DGKH: variants seen among roughly 807,000 people sequenced by gnomAD.
DGKH encodes diacylglycerol kinase eta.
A neutral mutation model predicts 159.3 loss-of-function variants in DGKH; 90 were observed. The observed-to-expected ratio is 0.57, with a 90% CI of 0.48 to 0.67. DGKH has a LOEUF of 0.67. Among genes scored for constraint, DGKH ranks in the 30% least tolerant of loss-of-function variants. The probability of loss-of-function intolerance (pLI) is 0.00; values close to 1 mark genes in which losing one functional copy is unlikely to be tolerated. For synonymous variants in DGKH, 536 were observed against 553.8 expected (o/e 0.97, Z 0.45); for missense variants, 1,181 against 1,506.1 (o/e 0.78, Z 3.57).
intron 28 of DGKH, among the ~76,000 whole-genome samples, chr13:42,220,840 A>AC (rs1162990922): frequency 6.6e-6 from 1 of 152,192 alleles, no homozygotes; most frequent in Admixed American, 6.5e-5. Flanking sequence ...AAAATTGAAT[A>AC]CCCCATATCA....
At chr13:42,140,589 T>C (rs940356849) in intron 3 of DGKH, 6 of 152,232 alleles carry the variant, frequency 3.9e-5, no homozygotes, top group Admixed American at 6.5e-5. Flanking sequence ...CACTCTGTTA[T>C]ACAGAGGCTT....
At position 42,186,551 on chromosome 13, in the gene DGKH, G is replaced by A. The variant is rs1470333707; in HGVS notation, c.1539-498G>A. On this transcript the variant is annotated intron_variant, in intron 13 of 29. Coordinates refer to ENST00000337343, the MANE Select transcript of DGKH (RefSeq NM_178009.5). Reference sequence around the variant, plus strand: ...TAGATTTACAGAGAATATAACTCAAGTGGCAGATTTGTTTTCAGCATAACG... The same window carrying A: ...TAGATTTACAGAGAATATAACTCAAATGGCAGATTTGTTTTCAGCATAACG... Among the ~76,000 whole-genome samples, 8 of 152,320 alleles carry A rather than the reference G, an allele frequency of 5.3e-5. No homozygotes were observed. In the East Asian group the frequency reaches 1.5e-3, roughly 29 times the overall value.
rs117496058 is a variant in DGKH, at chr13:42,061,339, G to A, written c.192+12374G>A. Among the ~76,000 whole-genome samples the A allele has an allele frequency of 2.4e-3, 369 of 152,268 alleles. 2 individuals carry two copies. Among genetic ancestry groups the A allele is most frequent in the South Asian group, 0.018 (85 of 4,822 alleles). ...CCATCTTGAAAATGTCTAGTCCTTA[G>A]TTCCTGCAGGCATTCACCTATGCAA... On this transcript the variant is annotated intron_variant, in intron 1 of 29. Transcript: ENST00000337343.
chr13:42,074,267 G>C (rs1883160964), intron 1 of DGKH, among the ~76,000 whole-genome samples: 1 of 152,120 alleles, frequency 6.6e-6, no homozygotes, highest in African/African-American at 2.4e-5. Context: ...CTTAGGTATT[G>C]CTATTCTTCA....
chr13:42,212,243 G>A (rs988877891), intron 24 of DGKH, among the ~76,000 whole-genome samples: 3 of 152,178 alleles, frequency 2.0e-5, no homozygotes, highest in Non-Finnish European at 2.9e-5. Flanking sequence ...TGTGTGAGAT[G>A]TTAGAGACAG....
chr13:42,252,505 G>T (rs9566950), intron 30 of DGKH: 34,196 of 152,194 alleles, frequency 0.22, 4,454 homozygotes, highest in East Asian at 0.45. Context: ...GACTCCACAC[G>T]GCCTATATCC....
intron 9 of DGKH, among the ~76,000 whole-genome samples, chr13:42,168,078 C>G (rs367600659): frequency 6.6e-6 from 1 of 152,118 alleles, no homozygotes; most frequent in Non-Finnish European, 1.5e-5. Flanking sequence ...AGATTCCTTA[C>G]CCATGGTTTG....
chr13:42,154,555 T>C (rs562171487), intron 3 of DGKH, among the ~76,000 whole-genome samples: 1 of 152,314 alleles, frequency 6.6e-6, no homozygotes, highest in East Asian at 1.9e-4. Flanking sequence ...AAAGTCGCAA[T>C]TCTTTCCTTC....
chr13:42,152,777 G>T (rs1262092041), intron 3 of DGKH, among the ~76,000 whole-genome samples: 1 of 152,040 alleles, frequency 6.6e-6, no homozygotes, highest in Non-Finnish European at 1.5e-5. Context: ...ATTAAGAGGG[G>T]ACAGTTCCCT....
chr13:42,137,709 T>C (rs1399770317), intron 3 of DGKH, among the ~76,000 whole-genome samples: 2 of 152,176 alleles, frequency 1.3e-5, no homozygotes, highest in Non-Finnish European at 2.9e-5. Flanking sequence ...GAATATTTCA[T>C]TGTATTTTGG....
At chr13:42,111,290 T>C (rs1243097112) in intron 1 of DGKH, among the ~76,000 whole-genome samples, 1 of 152,170 alleles carries the variant, frequency 6.6e-6, no homozygotes, top group African/African-American at 2.4e-5. Context: ...GATTAGAATA[T>C]GTTGGATAGG....
intron 1 of DGKH, among the ~76,000 whole-genome samples, chr13:42,083,240 AAAAG>A (rs1954241546): frequency 6.6e-6 from 1 of 152,218 alleles, no homozygotes; most frequent in African/African-American, 2.4e-5. Context: ...AAAACACAAA[AAAAG>A]AGGGAGAGAG....
intron 1 of DGKH, among the ~76,000 whole-genome samples, chr13:42,118,019 C>T (rs534154437): frequency 6.6e-6 from 1 of 152,076 alleles, no homozygotes; most frequent in Non-Finnish European, 1.5e-5. Context: ...AGATGGAGAC[C>T]ATCTTGGCTA....
rs570733737 is a variant in DGKH at position 42,123,680 on chromosome 13, T to C, written c.193-3783T>C. On this transcript the variant is annotated intron_variant, in intron 1 of 29. Transcript: ENST00000337343. ...TTCAATTTTAAAAATGGACTAAAGA[T>C]TCAAACAGACATTTCACCAGTGAAG... 2.0e-5 allele frequency among the ~76,000 whole-genome samples: 3 copies of C among 152,290 alleles called. No homozygotes were observed. In the South Asian group the frequency reaches 6.2e-4, roughly 32 times the overall value.
Position 42,082,252 on chromosome 13 carries a change from TG to T in DGKH, c.192+33289del, listed in dbSNP as rs201341157. On this transcript the variant is annotated intron_variant, in intron 1 of 29. Coordinates refer to ENST00000337343, the MANE Select transcript of DGKH (RefSeq NM_178009.5). Reference sequence around the variant, plus strand: ...GTCTACCTTGCTCAGTCTCACCTAATGGCTTTTGGGTTGAGTTATTAAAGAA... The same window carrying T: ...GTCTACCTTGCTCAGTCTCACCTAATGCTTTTGGGTTGAGTTATTAAAGAA... Among the ~76,000 whole-genome samples, 853 of 152,122 alleles carry T rather than the reference TG, an allele frequency of 5.6e-3. 8 individuals carry two copies. Among genetic ancestry groups the T allele is most frequent in the East Asian group, 0.047 (244 of 5,174 alleles).
intron 2 of DGKH, among the ~76,000 whole-genome samples, chr13:42,128,640 C>CGAGG (rs1955220933): frequency 6.6e-6 from 1 of 151,628 alleles, no homozygotes; most frequent in Non-Finnish European, 1.5e-5. Context: ...CCATGATTCA[C>CGAGG]GAGAGAGAGT....
At chr13:42,248,905 A>G (rs1373459219) in intron 29 of DGKH, among the ~76,000 whole-genome samples, 2 of 152,086 alleles carry the variant, frequency 1.3e-5, no homozygotes, top group South Asian at 4.1e-4. Context: ...GAAAAAAATC[A>G]CCTAGCAATG....
At chr13:42,103,900 A>G (rs1954698977) in intron 1 of DGKH, among the ~76,000 whole-genome samples, 1 of 152,186 alleles carries the variant, frequency 6.6e-6, no homozygotes, top group Non-Finnish European at 1.5e-5. Context: ...ATATAGAATG[A>G]CTACTATAAC....
At chr13:42,143,945 G>A (rs922338979) in intron 3 of DGKH, among the ~76,000 whole-genome samples, 3 of 151,952 alleles carry the variant, frequency 2.0e-5, no homozygotes, top group African/African-American at 7.3e-5. Flanking sequence ...ACAATTAAAA[G>A]AACTAGAGAA....
Sources: allele counts gnomAD v4.1 joint callset (sites outside exome capture counted in the v4.1 genomes callset), GRCh38; gene constraint gnomAD v4.1.1; transcripts MANE v1.5; gene names NCBI Gene and HGNC (gene_info 2026-07-23, HGNC 2026-07-21).